PHYH: variants seen among roughly 807,000 people sequenced by gnomAD.
PHYH encodes phytanoyl-CoA 2-hydroxylase.
A neutral mutation model predicts 38.5 loss-of-function variants in PHYH; 32 were observed. That is an observed-to-expected ratio of 0.83 (90% CI 0.63 to 1.12). The LOEUF (loss-of-function observed/expected upper bound fraction) is 1.12. PHYH is among the 50% of genes most tolerant of loss of function. The pLI is 0.00. For synonymous variants in PHYH, 166 were observed against 157.9 expected, an observed-to-expected ratio of 1.05 and a Z score of -0.38; for missense variants, 426 against 434.8, an observed-to-expected ratio of 0.98 and a Z score of 0.18.
chr10:13,283,383 C>G (rs1835465283), intron 7 of PHYH, among the ~76,000 whole-genome samples: 1 of 152,200 alleles, frequency 6.6e-6, no homozygotes, highest in African/African-American at 2.4e-5. Context: ...CCCGCCTTGG[C>G]CTCCCAAAGT....
chr10:13,286,959 T>C (rs1287576026), intron 6 of PHYH, among the ~76,000 whole-genome samples: 2 of 152,178 alleles, frequency 1.3e-5, no homozygotes, highest in Non-Finnish European at 1.5e-5. Context: ...TGGAAAATGA[T>C]CAAATTATAC....
At position 13,288,474 on chromosome 10, in the gene PHYH, G is replaced by T. The variant is rs1588511063; in HGVS notation, c.564C>A (p.Leu188=). The change falls in exon 6 of 9, where the codon CTC becomes CTA. Residue 188 remains leucine (L), a synonymous_variant. Coordinates refer to ENST00000263038, the MANE Select transcript of PHYH (RefSeq NM_006214.4). ...CCATCGCCGTCCAGGCGCAAACGAT[G>T]AGATCGCTGGGCCTGAAGGGGAAAT... The part of the protein sequence containing the change: ...LHYFPFRPSD[L]IVCAWTAMEH... 1 of 1,614,224 alleles carries T rather than the reference G, an allele frequency of 6.2e-7. No homozygotes were observed.
chr10:13,289,805 C>T (rs927528736), intron 5 of PHYH, among the ~76,000 whole-genome samples: 1 of 151,256 alleles, frequency 6.6e-6, no homozygotes, highest in African/African-American at 2.4e-5. Context: ...GTGGTGCACA[C>T]CAGTACTCCC....
intron 8 of PHYH, among the ~76,000 whole-genome samples, chr10:13,280,188 C>T (rs546166647): frequency 6.6e-6 from 1 of 152,130 alleles, no homozygotes; most frequent in Non-Finnish European, 1.5e-5. Flanking sequence ...AGGAAGGTCT[C>T]GATCTCCTGA....
At chr10:13,287,858 C>A (rs1019831699) in intron 6 of PHYH, among the ~76,000 whole-genome samples, 2 of 152,070 alleles carry the variant, frequency 1.3e-5, no homozygotes, top group African/African-American at 4.8e-5. Flanking sequence ...CAGTACCTAC[C>A]CAAGCTCCCC....
intron 2 of PHYH, among the ~76,000 whole-genome samples, chr10:13,295,848 T>A (rs531482390): frequency 2.7e-4 from 35 of 131,342 alleles, no homozygotes; most frequent in East Asian, 1.2e-3. Flanking sequence ...AAAAAAAAAA[T>A]TTAAATTACA....
In PHYH at chr10:13,288,344, C is replaced by T. The variant is rs373292068; in HGVS notation, c.678+16G>A. 1.9e-5 allele frequency: 30 copies of T among 1,612,520 alleles called. No individual in the cohort carries two copies. Among genetic ancestry groups the T allele is most frequent in the Admixed American group, 3.3e-5 (2 of 59,994 alleles). ...AAGGAGATTCGGATCAAGACTCAGC[C>T]GCCGGGCAGACCTACCTCCCACTTG... On this transcript the variant is annotated intron_variant, in intron 6 of 8. Coordinates refer to ENST00000263038, the MANE Select transcript of PHYH (RefSeq NM_006214.4).
rs778373366 is a variant in PHYH, at chr10:13,294,557, T to C, written c.285A>G (p.Pro95=). The change falls in exon 4 of 9, where the codon CCA becomes CCG. Residue 95 remains proline (P), a synonymous_variant. Transcript: ENST00000263038. ...CATCTCTCATTACTGTTAATCCTAA[T>C]GGTTTCACCTCCTTTCTGCAGATTT... ...FEKICRKEVK[P]LGLTVMRDVT... 13 of 1,614,112 alleles carry C rather than the reference T, an allele frequency of 8.1e-6. No individual in the cohort carries two copies. Among genetic ancestry groups the C allele is most frequent in the African/African-American group, 2.7e-5 (2 of 75,066 alleles).
rs1478952042 is a variant in PHYH at position 13,288,537 on chromosome 10, C to T, written c.501G>A (p.Lys167=). 4 of 1,613,918 alleles carry T rather than the reference C, an allele frequency of 2.5e-6. No individual in the cohort carries two copies. Among genetic ancestry groups the T allele is most frequent in the Non-Finnish European group, 2.5e-6 (3 of 1,180,014 alleles). ...GGTGCAGGGGGTGACGGGACGTCTT[C>T]TTGCCTGAAAAGAAAACCTGCTACT... is the stretch of plus-strand genomic sequence containing the variant. The part of the protein sequence containing the change: ...MLINKPPDSG[K]KTSRHPLHQD... The change falls in exon 6 of 9, where the codon AAG becomes AAA. Residue 167 remains lysine (K), a synonymous_variant. Coordinates refer to ENST00000263038, the MANE Select transcript of PHYH (RefSeq NM_006214.4).
chr10:13,294,665 G>T, intron 3 of PHYH, 69 bp from the exon 4 acceptor site: 1 of 1,397,298 alleles, frequency 7.2e-7, no homozygotes, highest in Non-Finnish European at 1.0e-6. Context: ...CCTCCTCTGT[G>T]GAAAGGGTTG....
At chr10:13,294,854 A>G (rs1367477067) in intron 3 of PHYH, 9 of 494,902 alleles carry the variant, frequency 1.8e-5, no homozygotes, top group Non-Finnish European at 3.3e-5. Flanking sequence ...AATAATAATA[A>G]CAGCAAACAT....
chr10:13,293,943 C>A (rs1036992678), intron 4 of PHYH, among the ~76,000 whole-genome samples: 3 of 152,094 alleles, frequency 2.0e-5, no homozygotes, highest in African/African-American at 4.8e-5. Flanking sequence ...GTGACTCATG[C>A]CTGTAATCCC....
At chr10:13,287,287 C>T (rs769878717) in intron 6 of PHYH, among the ~76,000 whole-genome samples, 7 of 151,880 alleles carry the variant, frequency 4.6e-5, no homozygotes, top group East Asian at 1.9e-4. Context: ...TGCAGTGAGC[C>T]GAGAACGTGC....
intron 4 of PHYH, among the ~76,000 whole-genome samples, chr10:13,292,841 G>A (rs899374346): frequency 6.6e-6 from 1 of 151,006 alleles, no homozygotes; most frequent in Non-Finnish European, 1.5e-5. Context: ...GCTGAGGCAG[G>A]AGAATCACTT....
intron 4 of PHYH, 88 bp from the exon 5 acceptor site, chr10:13,292,000 A>C (rs1312662769): frequency 3.5e-6 from 3 of 851,870 alleles, no homozygotes; most frequent in Middle Eastern, 2.4e-4. Flanking sequence ...CTATCCACAC[A>C]AGAACCAAGA....
At chr10:13,278,636 C>A (rs957833507) in intron 8 of PHYH, among the ~76,000 whole-genome samples, 1 of 152,060 alleles carries the variant, frequency 6.6e-6, no homozygotes, top group African/African-American at 2.4e-5. Context: ...TCAAGCGACT[C>A]TCCTGCCTCA....
At chr10:13,290,871 T>C (rs1317356996) in intron 5 of PHYH, among the ~76,000 whole-genome samples, 1 of 151,970 alleles carries the variant, frequency 6.6e-6, no homozygotes, top group Admixed American at 6.6e-5. Flanking sequence ...CCAAGGCAGG[T>C]GGATCATCTG....
At position 13,281,020 on chromosome 10, in the gene PHYH, T is replaced by G; in HGVS notation, c.919A>C (p.Ile307Leu). The G allele has an allele frequency of 6.2e-7, 1 of 1,614,036 alleles. No individual in the cohort carries two copies. The highest frequency in any genetic ancestry group is 8.5e-7 in the Non-Finnish European group (1 of 1,179,846). ...TCAGCTCCAAAGAATTTATGTGCTA[T>G]TCCTACAACTTCCTTCTCGATGTTT... The part of the protein sequence containing the change: ...QENIEKEVVG[I>L]AHKFFGAENS... The change falls in exon 8 of 9, where the codon ATA (isoleucine) becomes CTA (leucine). Residue 307 changes from isoleucine to leucine, a missense_variant. Transcript: ENST00000263038.
At chr10:13,282,393 C>T (rs1265606948) in intron 7 of PHYH, among the ~76,000 whole-genome samples, 1 of 152,116 alleles carries the variant, frequency 6.6e-6, no homozygotes, top group Non-Finnish European at 1.5e-5. Flanking sequence ...GAGTTCGAGA[C>T]CAGATTGGCC....
Sources: allele counts gnomAD v4.1 joint callset (sites outside exome capture counted in the v4.1 genomes callset), GRCh38; gene constraint gnomAD v4.1.1; transcripts MANE v1.5; gene names NCBI Gene and HGNC (gene_info 2026-07-23, HGNC 2026-07-21).